PARP8: variants seen among roughly 807,000 people sequenced by gnomAD.
PARP8 encodes poly(ADP-ribose) polymerase family member 8, also known as protein mono-ADP-ribosyltransferase PARP8.
In PARP8, 51 loss-of-function variants were observed where a neutral mutation model predicts 124.1. The ratio of observed to expected loss-of-function variants is 0.41; its 90% CI spans 0.33 to 0.52. The LOEUF (loss-of-function observed/expected upper bound fraction) is 0.52. Ranked by LOEUF, PARP8 falls within the 20% of genes least tolerant of loss-of-function variation. The probability of loss-of-function intolerance (pLI) is 0.21; values close to 1 mark genes in which losing one functional copy is unlikely to be tolerated. For synonymous variants in PARP8, 391 were observed against 361.5 expected (o/e 1.08, Z -0.93); for missense variants, 860 against 1,018.9 (o/e 0.84, Z 2.12).
At chr5:50,708,125 T>G (rs76688336) in intron 2 of PARP8, among the ~76,000 whole-genome samples, 1 of 152,110 alleles carries the variant, frequency 6.6e-6, no homozygotes, top group Non-Finnish European at 1.5e-5. Flanking sequence ...GTTTTTTCCC[T>G]AATAATTTAA....
intron 2 of PARP8, among the ~76,000 whole-genome samples, chr5:50,678,335 T>C (rs1750870670): frequency 6.6e-6 from 1 of 152,144 alleles, no homozygotes; most frequent in African/African-American, 2.4e-5. Context: ...ATGTTTGAAA[T>C]GTGTTTGTGT....
At chr5:50,708,791 T>C (rs1754425075) in intron 2 of PARP8, among the ~76,000 whole-genome samples, 1 of 151,930 alleles carries the variant, frequency 6.6e-6, no homozygotes, top group South Asian at 2.1e-4. Flanking sequence ...ATTATTGTTA[T>C]TATTTTTTAG....
chr5:50,801,488 G>A (rs887545348), intron 14 of PARP8, among the ~76,000 whole-genome samples: 6 of 152,240 alleles, frequency 3.9e-5, no homozygotes, highest in African/African-American at 1.4e-4. Context: ...AAATTTATGT[G>A]AGTAATTTAT....
intron 3 of PARP8, among the ~76,000 whole-genome samples, chr5:50,759,334 G>A (rs917101669): frequency 2.0e-5 from 3 of 152,116 alleles, no homozygotes; most frequent in Non-Finnish European, 2.9e-5. Flanking sequence ...TGTCCAGTGA[G>A]TTAAGGCACC....
chr5:50,803,903 C>A (rs529539052), intron 14 of PARP8, among the ~76,000 whole-genome samples: 2 of 152,120 alleles, frequency 1.3e-5, no homozygotes, highest in Non-Finnish European at 2.9e-5. Flanking sequence ...ATTTTAAATA[C>A]AATAATGCTG....
At chr5:50,709,868 T>A (rs1455016168) in intron 2 of PARP8, among the ~76,000 whole-genome samples, 1 of 148,518 alleles carries the variant, frequency 6.7e-6, no homozygotes, top group African/African-American at 2.5e-5. Context: ...TGTGTGTGTG[T>A]GTGTGTGTTT....
At position 50,844,810 on chromosome 5, in the gene PARP8, A is replaced by T. The variant is rs1748494004; in HGVS notation, c.*2742A>T. 1 of 151,660 alleles carries T rather than the reference A, an allele frequency of 6.6e-6. No individual in the cohort carries two copies. The highest frequency in any genetic ancestry group is 6.6e-5 in the Admixed American group (1 of 15,178). The allele number at this position is 151,660 out of a possible 1,614,324, so 9.4% of individuals were successfully genotyped here. ...TGAATAATCTGTTCTCTTTCACTGT[A>T]TTAAAAGGAGAAGAAAATGAACATT... On this transcript the variant is annotated 3_prime_UTR_variant, in exon 26 of 26. Transcript: ENST00000281631.
intron 2 of PARP8, among the ~76,000 whole-genome samples, chr5:50,670,109 C>T (rs1749835458): frequency 6.6e-6 from 1 of 152,214 alleles, no homozygotes; most frequent in South Asian, 2.1e-4. Flanking sequence ...TCATTACCGA[C>T]ATTATAAACC....
intron 25 of PARP8, among the ~76,000 whole-genome samples, chr5:50,839,653 T>G (rs1361835042): frequency 1.0e-5 from 1 of 95,880 alleles, no homozygotes; most frequent in African/African-American, 4.1e-5. Flanking sequence ...AAGCATACTG[T>G]CTCTCTCTTT....
chr5:50,814,238 T>G (rs1744831726), intron 14 of PARP8, among the ~76,000 whole-genome samples: 2 of 152,114 alleles, frequency 1.3e-5, no homozygotes, highest in Admixed American at 1.3e-4. Context: ...AGAAGCAATA[T>G]AATATCCATG....
chr5:50,691,218 C>T (rs1414155680), intron 2 of PARP8, among the ~76,000 whole-genome samples: 1 of 152,138 alleles, frequency 6.6e-6, no homozygotes, highest in Non-Finnish European at 1.5e-5. Flanking sequence ...TCCCCATTTG[C>T]CCTTTGCTTC....
At chr5:50,739,863 C>T (rs1322562423) in intron 2 of PARP8, among the ~76,000 whole-genome samples, 3 of 150,512 alleles carry the variant, frequency 2.0e-5, no homozygotes, top group Non-Finnish European at 4.4e-5. Context: ...AATTCTCTGC[C>T]TCAGCCTCCC....
intron 2 of PARP8, chr5:50,739,068 A>C (rs1395086260): frequency 1.4e-6 from 1 of 702,380 alleles, no homozygotes; most frequent in African/African-American, 1.7e-5. Context: ...ATCTAGGAGG[A>C]GCAAGAGACT....
rs1354879914 is a variant in PARP8 at position 50,778,640 on chromosome 5, A to C, written c.660A>C (p.Leu220Phe). ...VRLHCSLTQY[L>F]NGPVPTVDVF... is the part of the protein sequence containing the mutation. ...TACACTGTTCACTTACACAGTATTT[A>C]AATGGCCCAGGTTAGTTTTATTTCT... The change falls in exon 9 of 26, where the codon TTA (leucine) becomes TTC (phenylalanine). Residue 220 changes from leucine to phenylalanine, a missense_variant. Leu to Phe is a conservative substitution (Grantham distance 22). Transcript: ENST00000281631. 1 of 1,595,606 alleles carries C rather than the reference A, an allele frequency of 6.3e-7. No homozygotes were observed. The highest frequency in any genetic ancestry group is 2.2e-5 in the East Asian group (1 of 44,628).
intron 2 of PARP8, among the ~76,000 whole-genome samples, chr5:50,678,376 A>G (rs769073182): frequency 1.1e-4 from 17 of 152,178 alleles, no homozygotes; most frequent in Non-Finnish European, 2.2e-4. Flanking sequence ...ACATGTACAT[A>G]CCTGAAACTC....
intron 7 of PARP8, among the ~76,000 whole-genome samples, chr5:50,771,970 T>C (rs982285155): frequency 1.3e-5 from 2 of 152,228 alleles, no homozygotes; most frequent in African/African-American, 4.8e-5. Context: ...TGAACTGTGA[T>C]TTTGTACCCA....
At chr5:50,689,361 TTTCTTA>T (rs1752247344) in intron 2 of PARP8, among the ~76,000 whole-genome samples, 1 of 152,212 alleles carries the variant, frequency 6.6e-6, no homozygotes, top group Non-Finnish European at 1.5e-5. Flanking sequence ...CTGAGGTTTA[TTTCTTA>T]TTCTTATTCT....
In PARP8 at chr5:50,670,465, TA is replaced by T. The variant is rs889049118; in HGVS notation, c.146+2349del. Among the ~76,000 whole-genome samples the T allele has an allele frequency of 2.6e-3, 391 of 152,366 alleles. 3 individuals are homozygous for T. The highest frequency in any genetic ancestry group is 2.3e-3 in the Non-Finnish European group (157 of 68,036). On this transcript the variant is annotated intron_variant, in intron 2 of 25. Transcript: ENST00000281631. ...AAAGATTGATCTTACATGTTACTAT[TA>T]AAAAAAAATAATAATTTTGTTCTAC...
intron 2 of PARP8, among the ~76,000 whole-genome samples, chr5:50,734,532 T>C (rs1214445750): frequency 6.6e-6 from 1 of 152,170 alleles, no homozygotes; most frequent in Non-Finnish European, 1.5e-5. Flanking sequence ...TCAAACAAAT[T>C]AATTTGTCAG....
Sources: gnomAD v4.1 joint callset for allele counts (sites outside exome capture counted in the v4.1 genomes callset) on GRCh38, gnomAD v4.1.1 for gene constraint, MANE v1.5 for transcripts, NCBI Gene and HGNC (gene_info 2026-07-23, HGNC 2026-07-21) for gene names.